Variants in TNPO3 observed in about 807,000 individuals in gnomAD.
The protein encoded by TNPO3 is transportin-3.
In TNPO3, 65 loss-of-function variants were observed where a neutral mutation model predicts 122.8. The observed-to-expected ratio is 0.53, with a 90% CI of 0.43 to 0.65. The LOEUF (loss-of-function observed/expected upper bound fraction) is 0.65, where lower values mean the gene tolerates loss of function less well. TNPO3 is among the 30% of genes least tolerant of loss of function. The pLI is 0.00. For synonymous variants in TNPO3, 372 were observed against 411.2 expected (o/e 0.90, Z 1.15); for missense variants, 850 against 1,136.7 (o/e 0.75, Z 3.63).
At chr7:128,993,302 CT>C (rs1470825364) in intron 9 of TNPO3, among the ~76,000 whole-genome samples, 1 of 152,114 alleles carries the variant, frequency 6.6e-6, no homozygotes, top group Non-Finnish European at 1.5e-5. Flanking sequence ...TAAAATGTTA[CT>C]CAGTGATTGT....
chr7:129,023,755 G>A (rs985151181), intron 1 of TNPO3, among the ~76,000 whole-genome samples: 5 of 152,128 alleles, frequency 3.3e-5, no homozygotes, highest in South Asian at 2.1e-4. Context: ...TAAAAATCAC[G>A]TATTTATCTT....
intron 1 of TNPO3, among the ~76,000 whole-genome samples, chr7:129,021,882 A>G (rs936885075): frequency 1.1e-4 from 16 of 152,198 alleles, no homozygotes; most frequent in African/African-American, 3.6e-4. Context: ...ACTAGGAGGA[A>G]TTTCACATGT....
At chr7:129,037,960 G>C (rs80342415) in intron 1 of TNPO3, among the ~76,000 whole-genome samples, 3 of 152,104 alleles carry the variant, frequency 2.0e-5, no homozygotes, top group African/African-American at 7.2e-5. Context: ...CACTGAGGCC[G>C]CCCTACCAGA....
At chr7:129,046,195 C>CAAAAA (rs5887409) in intron 1 of TNPO3, among the ~76,000 whole-genome samples, 29 of 79,282 alleles carry the variant, frequency 3.7e-4, no homozygotes, top group African/African-American at 5.9e-4. Flanking sequence ...GACTCCGTCT[C>CAAAAA]AAAAAAAAAA....
At chr7:129,028,980 A>C (rs1805588231) in intron 1 of TNPO3, 1 of 443,928 alleles carries the variant, frequency 2.3e-6, no homozygotes, top group East Asian at 6.9e-5. Flanking sequence ...CAAAAAATTA[A>C]TGAATTTTCT....
At chr7:129,047,886 A>G (rs17424602) in intron 1 of TNPO3, among the ~76,000 whole-genome samples, 13,743 of 152,246 alleles carry the variant, frequency 0.09, 858 homozygotes, top group South Asian at 0.15. Flanking sequence ...AAACCACCAC[A>G]CACATTACTT....
intron 1 of TNPO3, among the ~76,000 whole-genome samples, chr7:129,019,412 T>C (rs1390795225): frequency 6.6e-6 from 1 of 152,172 alleles, no homozygotes; most frequent in Non-Finnish European, 1.5e-5. Flanking sequence ...ACATAATCCT[T>C]GTGTATCCTT....
chr7:129,041,168 C>T (rs1352709012), intron 1 of TNPO3, among the ~76,000 whole-genome samples: 2 of 152,044 alleles, frequency 1.3e-5, no homozygotes, highest in East Asian at 3.8e-4. Flanking sequence ...TGTTCAAAAC[C>T]AGCCTGGAGA....
chr7:129,030,345 T>C (rs577758094), intron 1 of TNPO3: 7 of 230,882 alleles, frequency 3.0e-5, no homozygotes, highest in South Asian at 6.0e-5. Flanking sequence ...GTACTTTTAA[T>C]GGATTCCAGA....
chr7:128,968,580 A>G (rs1276119311), intron 20 of TNPO3, among the ~76,000 whole-genome samples: 1 of 152,148 alleles, frequency 6.6e-6, no homozygotes, highest in Non-Finnish European at 1.5e-5. Context: ...ATATTTTCCC[A>G]TCATATTCAT....
chr7:129,035,259 G>A (rs1806494217), intron 1 of TNPO3, among the ~76,000 whole-genome samples: 1 of 152,156 alleles, frequency 6.6e-6, no homozygotes, highest in South Asian at 2.1e-4. Flanking sequence ...GGGCGAAAGA[G>A]CGAGACTCCG....
At chr7:128,968,360 C>T (rs1285359796) in intron 20 of TNPO3, among the ~76,000 whole-genome samples, 1 of 152,014 alleles carries the variant, frequency 6.6e-6, no homozygotes, top group Non-Finnish European at 1.5e-5. Flanking sequence ...TATGCCTTTT[C>T]TATGCACAAA....
intron 21 of TNPO3, among the ~76,000 whole-genome samples, chr7:128,957,822 A>C (rs1210745613): frequency 5.9e-5 from 9 of 152,198 alleles, no homozygotes; most frequent in Non-Finnish European, 1.2e-4. Context: ...CTAGCAACTA[A>C]GTCTCCACCA....
chr7:128,973,837 G>A lies in TNPO3; in HGVS notation c.2273+1031C>T, dbSNP rs1332068237. ...AAAAAAAAGAAAAGGAAAAAAAAAG[G>A]GTTTTTCTAACCTATCCAAAAACTA... On this transcript the variant is annotated intron_variant, in intron 18 of 22. Transcript: ENST00000265388. 6.6e-5 allele frequency among the ~76,000 whole-genome samples: 8 copies of A among 121,666 alleles called. 1 individual carries two copies. The highest frequency in any genetic ancestry group is 9.2e-5 in the African/African-American group (3 of 32,620). 79.8% of individuals were successfully genotyped at this position (121,666 alleles called of 152,430 possible).
intron 1 of TNPO3, among the ~76,000 whole-genome samples, chr7:129,026,105 G>A (rs1283751391): frequency 5.4e-5 from 8 of 148,028 alleles, no homozygotes; most frequent in Admixed American, 1.3e-4. Flanking sequence ...CAGCCTGGGC[G>A]GCAGAGTGAG....
chr7:128,980,714 A>AAAC (rs766836664), intron 14 of TNPO3, among the ~76,000 whole-genome samples: 174 of 152,176 alleles, frequency 1.1e-3, no homozygotes, highest in Middle Eastern at 3.4e-3. Flanking sequence ...AAACAAACAA[A>AAAC]AACAACAACA....
intron 20 of TNPO3, among the ~76,000 whole-genome samples, chr7:128,968,565 A>T (rs906509111): frequency 3.9e-5 from 6 of 152,142 alleles, no homozygotes; most frequent in African/African-American, 1.4e-4. Context: ...TTTTTTTTAC[A>T]TTATATATTT....
intron 16 of TNPO3, among the ~76,000 whole-genome samples, chr7:128,977,225 G>A (rs570045889): frequency 1.6e-4 from 24 of 152,254 alleles, no homozygotes; most frequent in Admixed American, 1.5e-3. Flanking sequence ...ACTCTATTGG[G>A]TTAGTCATAT....
At chr7:129,051,635 C>A (rs1563115540) in intron 1 of TNPO3, among the ~76,000 whole-genome samples, 1 of 152,010 alleles carries the variant, frequency 6.6e-6, no homozygotes, top group African/African-American at 2.4e-5. Flanking sequence ...TGGGCCTGGC[C>A]TGGCTGGCAA....
Sources: gnomAD v4.1 joint callset for allele counts (sites outside exome capture counted in the v4.1 genomes callset) on GRCh38, gnomAD v4.1.1 for gene constraint, MANE v1.5 for transcripts, NCBI Gene and HGNC (gene_info 2026-07-23, HGNC 2026-07-21) for gene names.